The following GALNT13 variants were observed in gnomAD, a reference collection of about 807,000 sequenced individuals.
GALNT13 encodes polypeptide N-acetylgalactosaminyltransferase 13, also known as UDP-GalNAc:polypeptide N-acetylgalactosaminyltransferase 13.
In GALNT13, 28 loss-of-function variants were observed where a neutral mutation model predicts 64.2. The observed-to-expected ratio is 0.44, with a 90% confidence interval of 0.32 to 0.60. The LOEUF is 0.60. GALNT13 is among the 20% of genes least tolerant of loss of function. The pLI is 0.05. For missense variants in GALNT13, 577 were observed against 669.8 expected (o/e 0.86, Z 1.53); for synonymous variants, 214 against 224.6 (o/e 0.95, Z 0.42).
At chr2:153,273,523 T>C in the GALNT13 span, among the ~76,000 whole-genome samples, 1 of 152,158 alleles carries the variant, frequency 6.6e-6, no homozygotes, top group Non-Finnish European at 1.5e-5. Context: ...GGATTTGTTA[T>C]CAGTTGAAAT....
chr2:153,935,748 C>T (rs1254905157), intron 2 of GALNT13, among the ~76,000 whole-genome samples: 4 of 152,180 alleles, frequency 2.6e-5, no homozygotes, highest in Non-Finnish European at 5.9e-5. Flanking sequence ...TTCACTCAGG[C>T]AGGCCATATG....
At chr2:154,109,458 G>T (rs985652143) in intron 3 of GALNT13, among the ~76,000 whole-genome samples, 5 of 151,766 alleles carry the variant, frequency 3.3e-5, no homozygotes, top group African/African-American at 1.2e-4. Flanking sequence ...CTATTCAGAT[G>T]ACTTTTTTTT....
chr2:153,080,111 T>C, the GALNT13 span, among the ~76,000 whole-genome samples: 8 of 152,242 alleles, frequency 5.3e-5, no homozygotes, highest in Admixed American at 3.9e-4. Context: ...TTTGTCTATT[T>C]TGACTTCCCT....
the GALNT13 span, among the ~76,000 whole-genome samples, chr2:153,427,832 A>T: frequency 6.6e-6 from 1 of 152,132 alleles, no homozygotes; most frequent in Non-Finnish European, 1.5e-5. Context: ...CACATATTAT[A>T]TAGTTTTTTA....
intron 2 of GALNT13, among the ~76,000 whole-genome samples, chr2:153,939,651 T>C (rs1558864446): frequency 6.6e-6 from 1 of 152,218 alleles, no homozygotes; most frequent in Admixed American, 6.5e-5. Context: ...ACACTGAGCA[T>C]GCAATGTTTC....
intron 11 of GALNT13, chr2:154,436,922 T>A (rs1396717687): frequency 2.6e-5 from 4 of 152,230 alleles, no homozygotes; most frequent in Non-Finnish European, 4.4e-5. Context: ...GTTGTTGTTT[T>A]GAGACTGGGT....
intron 2 of GALNT13, among the ~76,000 whole-genome samples, chr2:153,939,479 G>A (rs1235381952): frequency 6.6e-6 from 1 of 152,126 alleles, no homozygotes; most frequent in Non-Finnish European, 1.5e-5. Context: ...CCTTTAAAAG[G>A]GAGGTACAAT....
intron 8 of GALNT13, among the ~76,000 whole-genome samples, chr2:154,276,336 C>G (rs1208332597): frequency 1.3e-5 from 2 of 152,058 alleles, no homozygotes; most frequent in Admixed American, 1.3e-4. Context: ...TCTCATGCCT[C>G]AGCCTCCCAA....
chr2:154,119,283 T>C (rs1040006162), intron 3 of GALNT13, among the ~76,000 whole-genome samples: 15 of 152,314 alleles, frequency 9.8e-5, no homozygotes, highest in Non-Finnish European at 1.5e-4. Context: ...GTAGGGTTTC[T>C]TCTAAGAAAT....
chr2:153,689,828 TG>T, the GALNT13 span, among the ~76,000 whole-genome samples: 2 of 152,064 alleles, frequency 1.3e-5, no homozygotes, highest in East Asian at 3.9e-4. Flanking sequence ...GCGGGAATGG[TG>T]GTGGGCTTAG....
At chr2:154,254,029 C>G (rs1432030617) in intron 7 of GALNT13, among the ~76,000 whole-genome samples, 1 of 152,050 alleles carries the variant, frequency 6.6e-6, no homozygotes, top group African/African-American at 2.4e-5. Context: ...AAGAGTATGT[C>G]TTGATTGAGG....
At chr2:154,243,402 C>A (rs1247927592) in intron 6 of GALNT13, among the ~76,000 whole-genome samples, 3 of 152,044 alleles carry the variant, frequency 2.0e-5, no homozygotes, top group Admixed American at 6.6e-5. Context: ...CTTAGTCAGT[C>A]TAGTTCAAAT....
the GALNT13 span, among the ~76,000 whole-genome samples, chr2:153,560,316 A>G: frequency 6.6e-6 from 1 of 152,070 alleles, no homozygotes; most frequent in African/African-American, 2.4e-5. Context: ...TTATATTTGA[A>G]TGTAAAATTA....
rs2105175520 is a variant in GALNT13, at chr2:153,986,801, A to C, written c.142+42162A>C. Among the ~76,000 whole-genome samples the C allele has an allele frequency of 1.3e-5, 2 of 152,126 alleles. 1 individual carries two copies. Among genetic ancestry groups the C allele is most frequent in the East Asian group, 3.9e-4 (2 of 5,176 alleles). On this transcript the variant is annotated intron_variant, in intron 3 of 12. Transcript: ENST00000392825. ...AGAATTATAAGAGAGAACTATGAAA[A>C]GCTGGGCAAAAGGCTGCTCGTGCAG...
chr2:153,482,462 G>A, the GALNT13 span, among the ~76,000 whole-genome samples: 1 of 152,206 alleles, frequency 6.6e-6, no homozygotes, highest in African/African-American at 2.4e-5. Context: ...TCTTGGGCAT[G>A]TTTTTTGTTT....
intron 3 of GALNT13, among the ~76,000 whole-genome samples, chr2:154,071,093 T>C (rs1157568470): frequency 1.3e-5 from 2 of 152,156 alleles, no homozygotes; most frequent in African/African-American, 4.8e-5. Flanking sequence ...ATCAGGGCCA[T>C]ACTAATTTGC....
At chr2:154,217,792 A>G (rs556115368) in intron 4 of GALNT13, among the ~76,000 whole-genome samples, 40 of 152,302 alleles carry the variant, frequency 2.6e-4, no homozygotes, top group African/African-American at 9.4e-4. Flanking sequence ...GGGAAGTAAA[A>G]TGAAAAATAT....
the GALNT13 span, among the ~76,000 whole-genome samples, chr2:153,092,624 C>A: frequency 2.6e-5 from 4 of 152,018 alleles, no homozygotes; most frequent in Admixed American, 6.6e-5. Flanking sequence ...TTTCTGATTT[C>A]TTTCTCATGT....
the GALNT13 span, among the ~76,000 whole-genome samples, chr2:153,403,198 C>T: frequency 0.013 from 1,901 of 150,184 alleles, 81 homozygotes; most frequent in African/African-American, 0.044. Context: ...TGTGAGGTGT[C>T]GGTATGCCCC....
Sources: gnomAD v4.1 joint callset for allele counts (sites outside exome capture counted in the v4.1 genomes callset) on GRCh38, gnomAD v4.1.1 for gene constraint, MANE v1.5 for transcripts, NCBI Gene and HGNC (gene_info 2026-07-23, HGNC 2026-07-21) for gene names.